Variants in SVIL observed in about 807,000 individuals in gnomAD.
The protein encoded by SVIL is supervillin, also known as archvillin.
In SVIL, 101 loss-of-function variants were observed where a neutral mutation model predicts 240.4. That is an observed-to-expected ratio of 0.42 (90% CI 0.36 to 0.50). SVIL has a LOEUF of 0.50. Ranked by LOEUF, SVIL falls within the 20% of genes least tolerant of loss-of-function variation. The pLI, the probability that SVIL is intolerant of heterozygous loss-of-function variation, is 0.01. For synonymous variants in SVIL, 999 were observed against 1,100.0 expected, an observed-to-expected ratio of 0.91 and a Z score of 1.82; for missense variants, 2,512 against 2,818.7, an observed-to-expected ratio of 0.89 and a Z score of 2.46.
chr10:29,541,748 C>T (rs992495143), intron 6 of SVIL, among the ~76,000 whole-genome samples: 3 of 152,106 alleles, frequency 2.0e-5, no homozygotes, highest in African/African-American at 7.2e-5. Context: ...ATAAGGTAAT[C>T]GGGGACTTGA....
intron 1 of SVIL, among the ~76,000 whole-genome samples, chr10:29,719,749 T>C (rs928882475): frequency 6.6e-6 from 1 of 151,988 alleles, no homozygotes; most frequent in African/African-American, 2.4e-5. Flanking sequence ...CTTGAAGACA[T>C]AGCAATAGAA....
chr10:29,614,092 T>A (rs1235768595), intron 1 of SVIL, among the ~76,000 whole-genome samples: 3 of 152,164 alleles, frequency 2.0e-5, no homozygotes, highest in Non-Finnish European at 1.5e-5. Context: ...CTATTATCAC[T>A]AACTATACCA....
chr10:29,625,588 C>G (rs1001892285), intron 1 of SVIL, among the ~76,000 whole-genome samples: 1 of 152,102 alleles, frequency 6.6e-6, no homozygotes, highest in African/African-American at 2.4e-5. Flanking sequence ...CTCAGCCTCC[C>G]GAGTAGCTGG....
Position 29,473,894 on chromosome 10 carries a change from C to T in SVIL, c.5473G>A (p.Glu1825Lys), listed in dbSNP as rs1945869506. The change falls in exon 30 of 38, where the codon GAG becomes AAG. Residue 1825 changes from glutamate (E) to lysine (K), a missense_variant. By Grantham distance (56) the Glu-to-Lys change is moderately conservative. Coordinates refer to ENST00000355867, the MANE Select transcript of SVIL (RefSeq NM_021738.3). ...FWQGRHSTVS[E>K]KGTSALMTVE... ...GTCATCAGCGCCGACGTGCCCTTCT[C>T]ACTCACGGTGGAGTGCCGGCCTTGC... 5 of 1,614,086 alleles carry T rather than the reference C, an allele frequency of 3.1e-6. No individual in the cohort carries two copies. Among genetic ancestry groups the T allele is most frequent in the East Asian group, 2.2e-5 (1 of 44,856 alleles).
At chr10:29,627,476 C>T (rs1402208684) in intron 1 of SVIL, among the ~76,000 whole-genome samples, 3 of 152,104 alleles carry the variant, frequency 2.0e-5, no homozygotes, top group African/African-American at 7.2e-5. Context: ...CTTCAATTTC[C>T]AGATAAAATC....
chr10:29,530,995 G>A (rs530795649), intron 10 of SVIL, among the ~76,000 whole-genome samples: 1 of 152,166 alleles, frequency 6.6e-6, no homozygotes, highest in Admixed American at 6.5e-5. Context: ...GCAACAACAA[G>A]AAGAACCTGC....
chr10:29,516,316 C>A (rs1249248810), intron 16 of SVIL, among the ~76,000 whole-genome samples: 1 of 152,184 alleles, frequency 6.6e-6, no homozygotes, highest in Non-Finnish European at 1.5e-5. Context: ...TCCGTGGAGC[C>A]CACCTGGCAC....
chr10:29,680,246 T>C (rs1346013605), intron 2 of SVIL, among the ~76,000 whole-genome samples: 1 of 152,114 alleles, frequency 6.6e-6, no homozygotes, highest in Non-Finnish European at 1.5e-5. Flanking sequence ...GACTGGCACA[T>C]GTTCTCATAG....
chr10:29,463,577 G>A lies in SVIL; in HGVS notation c.6192C>T (p.Ile2064=), dbSNP rs773518092. The A allele has an allele frequency of 2.5e-6, 4 of 1,614,142 alleles. No individual in the cohort carries two copies. Among genetic ancestry groups the A allele is most frequent in the South Asian group, 2.2e-5 (2 of 91,078 alleles). The change falls in exon 35 of 38, where the codon ATC becomes ATT. Residue 2064 remains isoleucine (I), a synonymous_variant. Transcript: ENST00000355867. ...EVYLWQGWWP[I]ENKITGSARI... ...GGGCGGAACCAGTGATCTTGTTCTCGATGGGCCACCAGCCTTGCCAGAGGT... is the reference window on the plus strand; with the variant it reads ...GGGCGGAACCAGTGATCTTGTTCTCAATGGGCCACCAGCCTTGCCAGAGGT...
At chr10:29,470,553 G>T in intron 31 of SVIL, 70 bp from the exon 32 acceptor site, 1 of 1,556,374 alleles carries the variant, frequency 6.4e-7, no homozygotes, top group Non-Finnish European at 8.7e-7. Flanking sequence ...GCCCTTCCTA[G>T]TGTCCGCTGT....
At chr10:29,732,863 T>G (rs1313983991) in intron 1 of SVIL, among the ~76,000 whole-genome samples, 2 of 152,126 alleles carry the variant, frequency 1.3e-5, no homozygotes, top group Non-Finnish European at 2.9e-5. Flanking sequence ...TTTTTGTTTT[T>G]TTTTTTTTAA....
At chr10:29,491,156 G>C (rs1367767923) in intron 21 of SVIL, 137 bp from the exon 22 acceptor site, 18 of 962,924 alleles carry the variant, frequency 1.9e-5, no homozygotes, top group Admixed American at 1.7e-4. Context: ...CCACTCCCCT[G>C]ACATGGAGTC....
chr10:29,526,983 T>G lies in SVIL; in HGVS notation c.2320A>C (p.Arg774=). 1 of 1,609,566 alleles carries G rather than the reference T, an allele frequency of 6.2e-7. No homozygotes were observed. The stretch of plus-strand genomic sequence containing the variant: ...TACCTGGCAGGCTGCACAGCGCTCC[T>G]AGCTACAGTGGGGCTAGGAAGTCTC... ...MARLPSPTVA[R]SAVQPARLQA... The change falls in exon 13 of 38, where the codon AGG becomes CGG. Residue 774 remains arginine, a synonymous_variant. Transcript: ENST00000355867.
intron 1 of SVIL, among the ~76,000 whole-genome samples, chr10:29,616,920 G>C (rs1012717457): frequency 6.6e-6 from 1 of 151,982 alleles, no homozygotes; most frequent in Non-Finnish European, 1.5e-5. Flanking sequence ...ACAGGGTTTC[G>C]CCATGTTGGC....
At chr10:29,514,850 G>T (rs1325318618) in intron 16 of SVIL, among the ~76,000 whole-genome samples, 5 of 152,174 alleles carry the variant, frequency 3.3e-5, no homozygotes, top group Admixed American at 6.5e-5. Context: ...TTGGAGATGG[G>T]ATGAGATATA....
intron 17 of SVIL, among the ~76,000 whole-genome samples, chr10:29,510,689 C>A (rs1266071851): frequency 2.6e-5 from 4 of 151,884 alleles, no homozygotes; most frequent in Admixed American, 6.6e-5. Flanking sequence ...TCAGGCCCCA[C>A]GTGTCATGAC....
rs371521770 is a variant in SVIL, at chr10:29,579,463, CAAAA to C, written c.-200-10155_-200-10152del. 1.5e-3 allele frequency among the ~76,000 whole-genome samples: 226 copies of C among 150,972 alleles called. 8 individuals carry two copies. The South Asian group carries it at 0.046, about 31-fold the overall frequency. On this transcript the variant is annotated intron_variant, in intron 1 of 37. Transcript: ENST00000355867. ...AAAAAAACAAAACAAACAAACAAAACAAAAAACAAAAAACAAAAACGGGGACAAT... is the reference window on the plus strand; with the variant it reads ...AAAAAAACAAAACAAACAAACAAAACAACAAAAAACAAAAACGGGGACAAT...
intron 35 of SVIL, among the ~76,000 whole-genome samples, chr10:29,462,916 A>C (rs1944431921): frequency 7.2e-6 from 1 of 139,184 alleles, no homozygotes; most frequent in African/African-American, 2.6e-5. Flanking sequence ...TGTCAATGAA[A>C]CCATAAAAAT....
At chr10:29,572,790 AAAAG>A (rs1454251981) in intron 1 of SVIL, among the ~76,000 whole-genome samples, 1 of 151,726 alleles carries the variant, frequency 6.6e-6, no homozygotes, top group Non-Finnish European at 1.5e-5. Context: ...AAGAAAAAGA[AAAAG>A]AAAAAAAGAA....
Sources: gnomAD v4.1 joint callset for allele counts (sites outside exome capture counted in the v4.1 genomes callset) on GRCh38, gnomAD v4.1.1 for gene constraint, MANE v1.5 for transcripts, NCBI Gene and HGNC (gene_info 2026-07-23, HGNC 2026-07-21) for gene names.